MRPL22: variants seen among roughly 807,000 people sequenced by gnomAD.
MRPL22 encodes the protein large ribosomal subunit protein uL22m.
Under a neutral mutation model 32.4 loss-of-function variants are expected in MRPL22, and 27 were observed. The observed-to-expected ratio is 0.83, with a 90% CI of 0.61 to 1.15. MRPL22 has a LOEUF of 1.15. Among genes scored for constraint, MRPL22 ranks in the 50% most tolerant of loss-of-function variants. The pLI, the probability that MRPL22 is intolerant of heterozygous loss-of-function variation, is 0.00. For missense variants in MRPL22, 239 were observed against 260.2 expected, an observed-to-expected ratio of 0.92 and a Z score of 0.56; for synonymous variants, 86 against 87.3, an observed-to-expected ratio of 0.99 and a Z score of 0.08.
intron 6 of MRPL22, among the ~76,000 whole-genome samples, chr5:154,964,070 G>T (rs2113547180): frequency 6.6e-6 from 1 of 152,306 alleles, no homozygotes; most frequent in East Asian, 1.9e-4. Context: ...AACATGGCAG[G>T]CTGTGTATTT....
intron 2 of MRPL22, among the ~76,000 whole-genome samples, chr5:154,943,391 C>T (rs1434804160): frequency 6.6e-6 from 1 of 151,776 alleles, no homozygotes; most frequent in Admixed American, 6.6e-5. Context: ...GCATGAGCCG[C>T]CAGGAAACTT....
chr5:154,966,590 C>T, intron 6 of MRPL22, 96 bp from the exon 7 acceptor site: 1 of 1,309,296 alleles, frequency 7.6e-7, no homozygotes, highest in East Asian at 2.3e-5. Context: ...CCCATGTAAT[C>T]TCAGAATCCA....
At chr5:154,956,331 C>G (rs1764629761) in intron 3 of MRPL22, 40 bp from the exon 4 acceptor site, 1 of 1,417,552 alleles carries the variant, frequency 7.1e-7, no homozygotes, top group African/African-American at 1.4e-5. Flanking sequence ...GGTAAACCTG[C>G]TAACATTTTC....
At chr5:154,943,862 G>T (rs1232247961) in intron 2 of MRPL22, among the ~76,000 whole-genome samples, 1 of 151,640 alleles carries the variant, frequency 6.6e-6, no homozygotes, top group African/African-American at 2.4e-5. Context: ...ACAAAGTCCT[G>T]TTATATTGCC....
intron 3 of MRPL22, among the ~76,000 whole-genome samples, chr5:154,953,598 C>T (rs1017682324): frequency 4.0e-5 from 6 of 151,040 alleles, no homozygotes; most frequent in Non-Finnish European, 7.4e-5. Flanking sequence ...CTATATGAGA[C>T]GTATTTTTAA....
intron 2 of MRPL22, among the ~76,000 whole-genome samples, chr5:154,941,795 A>G (rs994073100): frequency 2.0e-5 from 3 of 152,238 alleles, no homozygotes; most frequent in African/African-American, 7.2e-5. Flanking sequence ...TTGAAGCTTT[A>G]TACCAGAGCA....
At chr5:154,961,275 T>A (rs925557639) in intron 6 of MRPL22, among the ~76,000 whole-genome samples, 2 of 152,180 alleles carry the variant, frequency 1.3e-5, no homozygotes, top group Non-Finnish European at 2.9e-5. Context: ...TGCAGGGCCA[T>A]GGTAGTTAAT....
In MRPL22 at chr5:154,965,468, C is replaced by T. The variant is rs180820006; in HGVS notation, c.410-1218C>T. On this transcript the variant is annotated intron_variant, in intron 6 of 6. Transcript: ENST00000523037. Reference sequence around the variant, plus strand: ...TGAGATGGAGTCTTGCACTGTCACCCGGGCTGGTGTGCAGTGGTGGATCTT... The same window carrying T: ...TGAGATGGAGTCTTGCACTGTCACCTGGGCTGGTGTGCAGTGGTGGATCTT... Among the ~76,000 whole-genome samples the T allele has an allele frequency of 5.8e-4, 88 of 151,106 alleles. 3 individuals are homozygous for T. In the East Asian group the frequency reaches 0.015, roughly 25 times the overall value.
chr5:154,965,782 G>T (rs1272876992), intron 6 of MRPL22, among the ~76,000 whole-genome samples: 1 of 152,136 alleles, frequency 6.6e-6, no homozygotes, highest in African/African-American at 2.4e-5. Flanking sequence ...TATACAGAAT[G>T]GGGGAGGGGA....
At chr5:154,957,798 C>A (rs764433026) in intron 5 of MRPL22, among the ~76,000 whole-genome samples, 1 of 152,028 alleles carries the variant, frequency 6.6e-6, no homozygotes, top group Non-Finnish European at 1.5e-5. Context: ...TAGATGACCC[C>A]TAAAGATCCT....
At chr5:154,953,531 CTTTGAGCTACCATTTCTT>C (rs1284208337) in intron 3 of MRPL22, among the ~76,000 whole-genome samples, 1 of 151,844 alleles carries the variant, frequency 6.6e-6, no homozygotes, top group Non-Finnish European at 1.5e-5. Flanking sequence ...GGTCAAAACT[CTTTGAGCTACCATTTCTT>C]ATTTTTCCTC....
chr5:154,949,186 A>T (rs755188471), intron 2 of MRPL22, among the ~76,000 whole-genome samples: 1 of 152,190 alleles, frequency 6.6e-6, no homozygotes, highest in Non-Finnish European at 1.5e-5. Context: ...CAAGACCGTA[A>T]TCTGGGAAGT....
chr5:154,944,368 A>G (rs1319423284), intron 2 of MRPL22, among the ~76,000 whole-genome samples: 2 of 152,186 alleles, frequency 1.3e-5, no homozygotes, highest in African/African-American at 2.4e-5. Context: ...CTCTGGGATT[A>G]CAGACGTGAG....
At chr5:154,954,594 A>G (rs1413750584) in intron 3 of MRPL22, among the ~76,000 whole-genome samples, 1 of 152,148 alleles carries the variant, frequency 6.6e-6, no homozygotes, top group Non-Finnish European at 1.5e-5. Context: ...CACCTGCCCA[A>G]AGTAAATGCT....
chr5:154,953,340 A>G (rs1349535579), intron 3 of MRPL22, among the ~76,000 whole-genome samples: 1 of 137,970 alleles, frequency 7.2e-6, no homozygotes, highest in Non-Finnish European at 1.6e-5. Flanking sequence ...CCTGGGTGAC[A>G]GAGCGAGACT....
chr5:154,953,681 C>CTTTTTTT (rs772873962), intron 3 of MRPL22, among the ~76,000 whole-genome samples: 4 of 107,098 alleles, frequency 3.7e-5, no homozygotes, highest in African/African-American at 6.9e-5. Context: ...CTAGTAAGAA[C>CTTTTTTT]TTTTTTTTTT....
chr5:154,942,855 G>T (rs954685387), intron 2 of MRPL22, among the ~76,000 whole-genome samples: 1 of 152,142 alleles, frequency 6.6e-6, no homozygotes, highest in Admixed American at 6.5e-5. Flanking sequence ...ATGTTGATTT[G>T]AATTGTCTTG....
chr5:154,957,033 G>A, intron 4 of MRPL22, 102 bp from the exon 5 acceptor site: 1 of 1,090,388 alleles, frequency 9.2e-7, no homozygotes, highest in Non-Finnish European at 1.3e-6. Context: ...TCAATTCACT[G>A]TTTTTAGAAG....
intron 3 of MRPL22, 110 bp from the exon 4 acceptor site, chr5:154,956,260 CA>C (rs1429835619): frequency 1.9e-5 from 13 of 682,742 alleles, no homozygotes. Context: ...CTTATGGCAG[CA>C]TTTTCTTTAG....
Sources: allele counts gnomAD v4.1 joint callset (sites outside exome capture counted in the v4.1 genomes callset), GRCh38; gene constraint gnomAD v4.1.1; transcripts MANE v1.5; gene names NCBI Gene and HGNC (gene_info 2026-07-23, HGNC 2026-07-21).